Variants in CERKL observed in about 807,000 individuals in gnomAD.
CERKL encodes the protein ceramide kinase-like protein.
In CERKL, 61 loss-of-function variants were observed where a neutral mutation model predicts 63.4. That is an observed-to-expected ratio of 0.96 (90% CI 0.78 to 1.19). The LOEUF (loss-of-function observed/expected upper bound fraction) is 1.19. Ranked by LOEUF, CERKL falls within the 50% of genes most tolerant of loss-of-function variation. The probability of loss-of-function intolerance (pLI) is 0.00; values close to 1 mark genes in which losing one functional copy is unlikely to be tolerated. For synonymous variants in CERKL, 250 were observed against 230.5 expected (o/e 1.08, Z -0.77); for missense variants, 675 against 655.5 (o/e 1.03, Z -0.33).
At chr2:181,612,717 A>G (rs1686018805) in intron 1 of CERKL, among the ~76,000 whole-genome samples, 3 of 151,926 alleles carry the variant, frequency 2.0e-5, no homozygotes, top group Non-Finnish European at 2.9e-5. Context: ...CCACTTGCTA[A>G]TTTTTTCTTC....
At chr2:181,654,991 G>A (rs963357775) in intron 1 of CERKL, among the ~76,000 whole-genome samples, 2 of 152,162 alleles carry the variant, frequency 1.3e-5, no homozygotes, top group African/African-American at 4.8e-5. Context: ...TCCATAAACA[G>A]AAGTACTTAC....
At chr2:181,622,814 C>T (rs552254907) in intron 1 of CERKL, among the ~76,000 whole-genome samples, 76 of 152,152 alleles carry the variant, frequency 5.0e-4, no homozygotes, top group African/African-American at 1.8e-3. Context: ...TTCCTTAAAA[C>T]AGATTAGCAA....
chr2:181,565,970 A>G (rs562760373), intron 4 of CERKL, 88 bp downstream of exon 4: 3 of 861,454 alleles, frequency 3.5e-6, no homozygotes, highest in South Asian at 2.9e-5. Context: ...ATATTTTTAA[A>G]TGTTAGGTTC....
chr2:181,602,068 G>C (rs1000893215), intron 2 of CERKL, among the ~76,000 whole-genome samples: 3 of 151,722 alleles, frequency 2.0e-5, no homozygotes, highest in Non-Finnish European at 4.4e-5. Flanking sequence ...TTTGGACATT[G>C]TTTTTTGTTG....
chr2:181,544,737 A>G lies in CERKL; in HGVS notation c.1328T>C (p.Ile443Thr), dbSNP rs773946833. ...IARNTSRPEF[I>T]KHLKRYASVK... ...ACTGGCATATCTTTTCAGGTGTTTT[A>G]TAAATTCTGGCCGAGAAGTGTTTCG... The change falls in exon 11 of 13, where the codon ATA becomes ACA. Residue 443 changes from isoleucine to threonine, a missense_variant. Physicochemically the swap from Ile to Thr is moderately conservative, Grantham distance 89. Transcript: ENST00000410087. The G allele has an allele frequency of 1.9e-6, 3 of 1,608,706 alleles. No individual in the cohort carries two copies. Among genetic ancestry groups the G allele is most frequent in the Non-Finnish European group, 2.5e-6 (3 of 1,176,536 alleles).
chr2:181,647,893 GATCT>G (rs910272895), intron 1 of CERKL, among the ~76,000 whole-genome samples: 1 of 151,984 alleles, frequency 6.6e-6, no homozygotes, highest in Non-Finnish European at 1.5e-5. Context: ...ATTAAAACAA[GATCT>G]ATCATTTAAA....
At chr2:181,654,175 T>A (rs1177602580) in intron 1 of CERKL, among the ~76,000 whole-genome samples, 19 of 148,116 alleles carry the variant, frequency 1.3e-4, no homozygotes, top group Admixed American at 1.2e-3. Flanking sequence ...AAAAAAAAAA[T>A]CCCCAAAAAG....
intron 2 of CERKL, among the ~76,000 whole-genome samples, chr2:181,589,157 T>C (rs1273581048): frequency 6.6e-6 from 1 of 152,140 alleles, no homozygotes; most frequent in Non-Finnish European, 1.5e-5. Flanking sequence ...TTGCCAGACT[T>C]AAATATAAAT....
At chr2:181,544,624 G>A (rs565668147) in intron 11 of CERKL, 76 bp downstream of exon 11, 13 of 802,568 alleles carry the variant, frequency 1.6e-5, no homozygotes, top group African/African-American at 1.6e-4. Flanking sequence ...GGCAGGATTC[G>A]ATGTCAATTC....
At chr2:181,572,796 GA>G (rs1412385826) in intron 3 of CERKL, among the ~76,000 whole-genome samples, 1 of 112,754 alleles carries the variant, frequency 8.9e-6, no homozygotes, top group African/African-American at 3.1e-5. Context: ...TTTTTTTTTT[GA>G]ACTTTCTTCT....
chr2:181,605,483 T>C (rs1685638376), intron 1 of CERKL, among the ~76,000 whole-genome samples: 1 of 152,132 alleles, frequency 6.6e-6, no homozygotes, highest in South Asian at 2.1e-4. Flanking sequence ...AACATGGAAA[T>C]TCATATGACA....
rs1248910465 is a variant in CERKL at position 181,537,311 on chromosome 2, C to T, written c.*873G>A. 1 of 453,278 alleles carries T rather than the reference C, an allele frequency of 2.2e-6. No homozygotes were observed. Among genetic ancestry groups the T allele is most frequent in the Non-Finnish European group, 4.4e-6 (1 of 226,308 alleles). 28.1% of individuals were successfully genotyped at this position (453,278 alleles called of 1,614,324 possible). A position where few individuals can be genotyped will look rare whatever the true frequency, so the allele number is the denominator to read the frequency against. On this transcript the variant is annotated 3_prime_UTR_variant, in exon 13 of 13. Transcript: ENST00000410087. ...CTATATATTTCAGGTTATCTGAGCACAGTGAAAGCAGAGTACTATGGTTGT... is the reference window on the plus strand; with the variant it reads ...CTATATATTTCAGGTTATCTGAGCATAGTGAAAGCAGAGTACTATGGTTGT...
chr2:181,574,926 G>A (rs184054594), intron 2 of CERKL, among the ~76,000 whole-genome samples: 421 of 152,312 alleles, frequency 2.8e-3, no homozygotes, highest in Non-Finnish European at 4.3e-3. Flanking sequence ...ACGAGGAAGA[G>A]ATAGGGTCAT....
intron 5 of CERKL, among the ~76,000 whole-genome samples, chr2:181,551,021 G>A (rs1001851737): frequency 5.3e-5 from 8 of 152,074 alleles, no homozygotes; most frequent in African/African-American, 1.9e-4. Flanking sequence ...CATGAGTTGA[G>A]AAACAATGTC....
At chr2:181,562,871 A>G (rs1470937057) in intron 4 of CERKL, among the ~76,000 whole-genome samples, 2 of 152,076 alleles carry the variant, frequency 1.3e-5, no homozygotes, top group African/African-American at 4.8e-5. Flanking sequence ...TTACCTTACT[A>G]AGTAATACAG....
chr2:181,643,414 T>C (rs1333350308), intron 1 of CERKL, among the ~76,000 whole-genome samples: 2 of 152,226 alleles, frequency 1.3e-5, no homozygotes, highest in African/African-American at 4.8e-5. Flanking sequence ...GAGCAGATTA[T>C]AGAGAGCTGG....
chr2:181,617,672 G>T (rs746680940), intron 1 of CERKL, among the ~76,000 whole-genome samples: 1 of 151,936 alleles, frequency 6.6e-6, no homozygotes, highest in Non-Finnish European at 1.5e-5. Context: ...TTTCCAAAAG[G>T]CCAATACAGG....
chr2:181,639,121 T>C (rs945546406), intron 1 of CERKL, among the ~76,000 whole-genome samples: 5 of 152,200 alleles, frequency 3.3e-5, no homozygotes, highest in African/African-American at 1.2e-4. Flanking sequence ...ACTAACTGGA[T>C]ATGTAAAACT....
chr2:181,552,641 C>T (rs1489405956), intron 5 of CERKL, among the ~76,000 whole-genome samples: 1 of 152,074 alleles, frequency 6.6e-6, no homozygotes, highest in Non-Finnish European at 1.5e-5. Context: ...AGTAACAATG[C>T]ATTATATACT....
Sources: gnomAD v4.1 joint callset for allele counts (sites outside exome capture counted in the v4.1 genomes callset) on GRCh38, gnomAD v4.1.1 for gene constraint, MANE v1.5 for transcripts, NCBI Gene and HGNC (gene_info 2026-07-23, HGNC 2026-07-21) for gene names.